IFI27L1: variants seen among roughly 807,000 people sequenced by gnomAD.
The protein encoded by IFI27L1 is interferon alpha inducible protein 27 like 1.
In IFI27L1, 3 loss-of-function variants were observed where a neutral mutation model predicts 9.2. That is an observed-to-expected ratio of 0.32 (90% CI 0.15 to 0.84). The LOEUF is 0.84. Ranked by LOEUF, IFI27L1 falls within the 40% of genes least tolerant of loss-of-function variation. The probability of loss-of-function intolerance (pLI) is 0.56; values close to 1 mark genes in which losing one functional copy is unlikely to be tolerated. For missense variants in IFI27L1, 133 were observed against 134.2 expected (o/e 0.99, Z 0.05); for synonymous variants, 53 against 50.0 (o/e 1.06, Z -0.26).
chr14:94,089,512 C>G (rs972606977), intron 1 of IFI27L1, among the ~76,000 whole-genome samples: 1 of 152,182 alleles, frequency 6.6e-6, no homozygotes, highest in Admixed American at 6.5e-5. Context: ...AGAGGTCACT[C>G]TCATCACCGT....
At chr14:94,093,403 C>T (rs565015168) in intron 1 of IFI27L1, among the ~76,000 whole-genome samples, 12 of 152,060 alleles carry the variant, frequency 7.9e-5, no homozygotes, top group Admixed American at 2.6e-4. Context: ...GATCTCCTGA[C>T]CTCGTGATCC....
At chr14:94,097,623 G>A (rs1302857484) in intron 2 of IFI27L1, 2 of 702,336 alleles carry the variant, frequency 2.8e-6, no homozygotes, top group Admixed American at 2.0e-5. Flanking sequence ...GGGTGGCTTG[G>A]TCCGGGACTG....
intron 1 of IFI27L1, among the ~76,000 whole-genome samples, chr14:94,094,117 G>A (rs1886583084): frequency 6.6e-6 from 1 of 152,166 alleles, no homozygotes; most frequent in African/African-American, 2.4e-5. Flanking sequence ...TTGGGTTTGA[G>A]GCCCAATTTA....
intron 4 of IFI27L1, 84 bp downstream of exon 4, chr14:94,102,059 G>A (rs749033754): frequency 1.4e-6 from 2 of 1,415,260 alleles, no homozygotes; most frequent in South Asian, 1.2e-5. Context: ...TCTCCCTGCA[G>A]GTCCGTGATC....
chr14:94,085,380 A>G (rs1186139637), intron 1 of IFI27L1, among the ~76,000 whole-genome samples: 1 of 152,220 alleles, frequency 6.6e-6, no homozygotes, highest in Non-Finnish European at 1.5e-5. Flanking sequence ...ATGGTTGAGA[A>G]GACTAAACGT....
At chr14:94,096,821 A>C (rs1886688378) in intron 1 of IFI27L1, 66 bp from the exon 2 acceptor site, 2 of 822,076 alleles carry the variant, frequency 2.4e-6, no homozygotes, top group Admixed American at 2.1e-5. Context: ...GGAGGGATGC[A>C]GAGTTCTTTA....
chr14:94,096,238 T>G (rs971212404), intron 1 of IFI27L1, among the ~76,000 whole-genome samples: 7 of 152,170 alleles, frequency 4.6e-5, no homozygotes, highest in African/African-American at 1.7e-4. Flanking sequence ...TTGAGGGGTT[T>G]TAGGCAGATG....
rs1886948063 is a variant in IFI27L1, at chr14:94,102,664, A to G, written c.*96A>G. ...TCCAAAGGACAAGTCTCCTACTCCCAAAACTATTTAAGGAAGCATGAAAAA... is the reference window on the plus strand; with the variant it reads ...TCCAAAGGACAAGTCTCCTACTCCCGAAACTATTTAAGGAAGCATGAAAAA... On this transcript the variant is annotated 3_prime_UTR_variant, in exon 5 of 5. Transcript: ENST00000555523. The G allele has an allele frequency of 1.6e-6, 1 of 624,826 alleles. No individual in the cohort carries two copies. Among genetic ancestry groups the G allele is most frequent in the South Asian group, 2.5e-5 (1 of 39,774 alleles). 38.7% of individuals were successfully genotyped at this position (624,826 alleles called of 1,614,324 possible).
chr14:94,099,022 A>C (rs1371334399), intron 2 of IFI27L1, among the ~76,000 whole-genome samples: 1 of 152,236 alleles, frequency 6.6e-6, no homozygotes, highest in Non-Finnish European at 1.5e-5. Context: ...GGAGCAAAGC[A>C]AAGTGAGGTG....
intron 1 of IFI27L1, among the ~76,000 whole-genome samples, chr14:94,084,890 T>A (rs112933467): frequency 2.8e-4 from 43 of 152,316 alleles, no homozygotes; most frequent in African/African-American, 1.0e-3. Flanking sequence ...GAAATTGGGT[T>A]TTTTTACATA....
chr14:94,100,665 G>T, intron 2 of IFI27L1, 74 bp from the exon 3 acceptor site: 1 of 1,601,734 alleles, frequency 6.2e-7, no homozygotes, highest in Non-Finnish European at 8.5e-7. Context: ...TTGAGATGGG[G>T]GTATCAGAGA....
Position 94,081,336 on chromosome 14 carries a change from G to T in IFI27L1, c.-165G>T, listed in dbSNP as rs923915225. ...GTGCCGGCGGGAGAGCTGGCTTGGGGCGCTGGCACCTCCTCTTACAGCTTT... is the reference window on the plus strand; with the variant it reads ...GTGCCGGCGGGAGAGCTGGCTTGGGTCGCTGGCACCTCCTCTTACAGCTTT... On this transcript the variant is annotated 5_prime_UTR_variant, in exon 1 of 5. Coordinates refer to ENST00000555523, the MANE Select transcript of IFI27L1 (RefSeq NM_206949.3). 6 of 152,272 alleles carry T rather than the reference G, an allele frequency of 3.9e-5. No individual in the cohort carries two copies. Among genetic ancestry groups the T allele is most frequent in the Non-Finnish European group, 8.8e-5 (6 of 68,068 alleles). The allele number at this position is 152,272 out of a possible 1,614,324, so 9.4% of individuals were successfully genotyped here.
intron 1 of IFI27L1, chr14:94,088,351 G>T: frequency 1.4e-6 from 1 of 702,256 alleles, no homozygotes; most frequent in South Asian, 1.5e-5. Flanking sequence ...CAACAGGTGT[G>T]GCAGTGGCTT....
At chr14:94,086,406 C>A (rs1389569440) in intron 1 of IFI27L1, among the ~76,000 whole-genome samples, 1 of 152,166 alleles carries the variant, frequency 6.6e-6, no homozygotes, top group Non-Finnish European at 1.5e-5. Flanking sequence ...CAAGAATTGC[C>A]TAATATAATG....
At chr14:94,084,753 C>T (rs1444607920) in intron 1 of IFI27L1, among the ~76,000 whole-genome samples, 4 of 152,194 alleles carry the variant, frequency 2.6e-5, no homozygotes, top group South Asian at 4.1e-4. Context: ...AGTGACCTTG[C>T]AGCTGCACAG....
At chr14:94,085,651 T>C (rs1235670271) in intron 1 of IFI27L1, among the ~76,000 whole-genome samples, 1 of 152,164 alleles carries the variant, frequency 6.6e-6, no homozygotes, top group Non-Finnish European at 1.5e-5. Context: ...TTTAATTATA[T>C]ATATTATATG....
chr14:94,085,502 A>G (rs1886252667), intron 1 of IFI27L1, among the ~76,000 whole-genome samples: 1 of 152,194 alleles, frequency 6.6e-6, no homozygotes, highest in Non-Finnish European at 1.5e-5. Flanking sequence ...TACCTTTCAT[A>G]TAGTATAAAT....
intron 1 of IFI27L1, among the ~76,000 whole-genome samples, chr14:94,091,910 G>A (rs548863797): frequency 6.6e-6 from 1 of 151,918 alleles, no homozygotes; most frequent in African/African-American, 2.4e-5. Context: ...GATCACCTGA[G>A]GTTAGGAGTT....
rs966468789 is a variant in IFI27L1, at chr14:94,102,516, G to T, written c.263G>T (p.Gly88Val). The part of the protein sequence containing the change: ...GLSVTSKVIG[G>V]FAGTALGAWL... ...TCTGTGACATCTAAAGTTATCGGGG[G>T]CTTTGCTGGGACAGCTCTTGGGGCC... is the stretch of plus-strand genomic sequence containing the variant. The change falls in exon 5 of 5, where the codon GGC (glycine) becomes GTC (valine). Residue 88 changes from glycine to valine, a missense_variant. By Grantham distance (109) the Gly-to-Val change is moderately radical. Transcript: ENST00000555523. 2.5e-6 allele frequency: 4 copies of T among 1,593,374 alleles called. No individual in the cohort carries two copies. The highest frequency in any genetic ancestry group is 3.4e-5 in the Admixed American group (2 of 57,974).
Sources: allele counts gnomAD v4.1 joint callset (sites outside exome capture counted in the v4.1 genomes callset), GRCh38; gene constraint gnomAD v4.1.1; transcripts MANE v1.5; gene names NCBI Gene and HGNC (gene_info 2026-07-23, HGNC 2026-07-21).